Variants in USP34 observed in about 807,000 individuals in gnomAD.
The protein encoded by USP34 is ubiquitin specific peptidase 34.
USP34 carries 70 observed loss-of-function variants against 460.3 expected under a neutral mutation model. The observed-to-expected ratio is 0.15, with a 90% confidence interval of 0.13 to 0.19. USP34 has a LOEUF of 0.19. Ranked by LOEUF, USP34 falls within the 10% of genes least tolerant of loss-of-function variation. USP34 has a pLI of 1.00. For missense variants in USP34, 3,985 were observed against 4,236.2 expected, an observed-to-expected ratio of 0.94 and a Z score of 1.65; for synonymous variants, 1,647 against 1,405.3, an observed-to-expected ratio of 1.17 and a Z score of -3.85.
intron 43 of USP34, among the ~76,000 whole-genome samples, chr2:61,261,910 C>T (rs1468083387): frequency 6.6e-6 from 1 of 151,312 alleles, no homozygotes; most frequent in Non-Finnish European, 1.5e-5. Context: ...TGAGACCAGC[C>T]TGGCCAAGAT....
chr2:61,454,344 G>T (rs895215975), intron 1 of USP34, among the ~76,000 whole-genome samples: 5 of 152,146 alleles, frequency 3.3e-5, no homozygotes, highest in Admixed American at 2.6e-4. Flanking sequence ...GGCTGGTATT[G>T]AACTCCTGAC....
chr2:61,318,172 G>C (rs1412600118), intron 22 of USP34, among the ~76,000 whole-genome samples: 1 of 128,888 alleles, frequency 7.8e-6, no homozygotes, highest in African/African-American at 2.9e-5. Context: ...CAGCCTTGGA[G>C]ACAGAGCAAG....
intron 1 of USP34, among the ~76,000 whole-genome samples, chr2:61,448,117 A>G (rs993267279): frequency 6.6e-6 from 1 of 152,256 alleles, no homozygotes; most frequent in African/African-American, 2.4e-5. Context: ...TTCTTCATAC[A>G]AAGTGGCCAG....
At chr2:61,282,685 G>C (rs1342881193) in intron 37 of USP34, among the ~76,000 whole-genome samples, 1 of 152,116 alleles carries the variant, frequency 6.6e-6, no homozygotes, top group African/African-American at 2.4e-5. Flanking sequence ...AGCTACTTGG[G>C]AGGCTGAAGC....
chr2:61,392,312 T>TCAAAAA (rs967080982), intron 5 of USP34, among the ~76,000 whole-genome samples: 24 of 151,992 alleles, frequency 1.6e-4, no homozygotes, highest in African/African-American at 3.9e-4. Context: ...GAACTCTCTC[T>TCAAAAA]CAAAAACAAA....
Position 61,286,357 on chromosome 2 carries a change from T to TA in USP34, c.4750-1401dup, listed in dbSNP as rs889703209. 9.9e-5 allele frequency among the ~76,000 whole-genome samples: 15 copies of TA among 151,060 alleles called. No homozygotes were observed. In the East Asian group the frequency reaches 1.7e-3, roughly 18 times the overall value. ...ATATAATATACACCTTTTCTAAAAT[T>TA]AAAAAAAAATAACATTGGCCCAGAG... is the stretch of plus-strand genomic sequence containing the variant. On this transcript the variant is annotated intron_variant, in intron 34 of 79. Coordinates refer to ENST00000398571, the MANE Select transcript of USP34 (RefSeq NM_014709.4).
chr2:61,203,418 C>T (rs1028316134), intron 74 of USP34, among the ~76,000 whole-genome samples, 155 bp from the exon 75 acceptor site: 1 of 151,960 alleles, frequency 6.6e-6, no homozygotes, highest in Non-Finnish European at 1.5e-5. Flanking sequence ...ATGTTATGAT[C>T]TTAATTGTCG....
At chr2:61,465,301 C>T (rs1695728789) in intron 1 of USP34, among the ~76,000 whole-genome samples, 1 of 152,104 alleles carries the variant, frequency 6.6e-6, no homozygotes, top group Non-Finnish European at 1.5e-5. Flanking sequence ...GTCTGTATGC[C>T]TCTGCATGTT....
chr2:61,213,585 T>G (rs1358408760), intron 68 of USP34, among the ~76,000 whole-genome samples: 1 of 152,208 alleles, frequency 6.6e-6, no homozygotes, highest in Non-Finnish European at 1.5e-5. Flanking sequence ...TGTATCTCGA[T>G]TGATCTCTTA....
At chr2:61,455,958 C>A (rs1305578693) in intron 1 of USP34, among the ~76,000 whole-genome samples, 1 of 152,096 alleles carries the variant, frequency 6.6e-6, no homozygotes, top group Non-Finnish European at 1.5e-5. Flanking sequence ...TCAGGTCTAC[C>A]AGGTTCCAAA....
Position 61,223,174 on chromosome 2 carries a change from G to C in USP34, c.7645-10C>G. The C allele has an allele frequency of 6.2e-7, 1 of 1,613,214 alleles. No homozygotes were observed. The highest frequency in any genetic ancestry group is 8.5e-7 in the Non-Finnish European group (1 of 1,179,508). ...ACAAGAAGGGAAATCCCTGTCAAAAGCAAAAGTTGTTCATTTAAGAACCGT... is the reference window on the plus strand; with the variant it reads ...ACAAGAAGGGAAATCCCTGTCAAAACCAAAAGTTGTTCATTTAAGAACCGT... On this transcript the variant is annotated splice_polypyrimidine_tract_variant and intron_variant, in intron 63 of 79. Transcript: ENST00000398571.
In USP34 at chr2:61,331,270, A is replaced by G. The variant is rs1017096157; in HGVS notation, c.2930+6T>C. On this transcript the variant is annotated splice_donor_region_variant and intron_variant, in intron 20 of 79. Transcript: ENST00000398571. ...AATGTATTTAACCCAGTTGAGAGGT[A>G]CTTACAGTGCATGTTTTTGTCTTCC... 2 of 1,607,354 alleles carry G rather than the reference A, an allele frequency of 1.2e-6. No individual in the cohort carries two copies. Among genetic ancestry groups the G allele is most frequent in the African/African-American group, 2.7e-5 (2 of 74,884 alleles).
chr2:61,233,256 G>C (rs936941293), intron 57 of USP34, among the ~76,000 whole-genome samples: 2 of 151,828 alleles, frequency 1.3e-5, no homozygotes, highest in Non-Finnish European at 2.9e-5. Context: ...TGGATCTATC[G>C]AACAGCCATG....
In USP34 at chr2:61,187,709, G is replaced by T. The variant is rs1383375845; in HGVS notation, c.*393C>A. On this transcript the variant is annotated 3_prime_UTR_variant, in exon 80 of 80. Transcript: ENST00000398571. ...TAATTTTGATAATAAGAACCACAGC[G>T]ATCGGAGGCAATCTGCCTCTATAAG... 1 of 458,914 alleles carries T rather than the reference G, an allele frequency of 2.2e-6. No individual in the cohort carries two copies. The allele number at this position is 458,914 out of a possible 1,614,324, so 28.4% of individuals were successfully genotyped here.
In USP34 at chr2:61,350,335, C is replaced by T; in HGVS notation, c.1432G>A (p.Ala478Thr). 6.2e-7 allele frequency: 1 copy of T among 1,613,764 alleles called. No homozygotes were observed. ...CTCTGTTTAGATAACTGAGCCTTAGCTGCTAGTGCGTTATTCCACAGTGCT... is the reference window on the plus strand; with the variant it reads ...CTCTGTTTAGATAACTGAGCCTTAGTTGCTAGTGCGTTATTCCACAGTGCT... The part of the protein sequence containing the change: ...IKALWNNALA[A>T]KAQLSKQSSF... The change falls in exon 12 of 80, where the codon GCT (alanine) becomes ACT (threonine). Residue 478 changes from alanine to threonine, a missense_variant. Ala to Thr is a moderately conservative substitution (Grantham distance 58). Coordinates refer to ENST00000398571, the MANE Select transcript of USP34 (RefSeq NM_014709.4).
Position 61,284,971 on chromosome 2 carries a change from A to T in USP34, c.4750-14T>A. 6.3e-7 allele frequency: 1 copy of T among 1,592,724 alleles called. No individual in the cohort carries two copies. Among genetic ancestry groups the T allele is most frequent in the Non-Finnish European group, 8.6e-7 (1 of 1,166,962 alleles). On this transcript the variant is annotated splice_polypyrimidine_tract_variant and intron_variant, in intron 34 of 79. Transcript: ENST00000398571. Reference sequence around the variant, plus strand: ...AACAAGAAATACCTTTAAAACAAAAACATTTTAAAAGATATTTAAATACAG... The same window carrying T: ...AACAAGAAATACCTTTAAAACAAAATCATTTTAAAAGATATTTAAATACAG...
chr2:61,209,929 C>T (rs954121446), intron 69 of USP34, among the ~76,000 whole-genome samples: 6 of 150,858 alleles, frequency 4.0e-5, no homozygotes, highest in East Asian at 1.9e-4. Flanking sequence ...TAGTTTTTAA[C>T]GAAAACATTT....
At chr2:61,274,775 CACAG>C (rs968472708) in intron 41 of USP34, among the ~76,000 whole-genome samples, 5 of 152,170 alleles carry the variant, frequency 3.3e-5, no homozygotes, top group African/African-American at 1.2e-4. Context: ...GCTCAGCTTC[CACAG>C]ACAGTTAACT....
intron 10 of USP34, among the ~76,000 whole-genome samples, chr2:61,352,359 A>G (rs951214506): frequency 5.3e-5 from 8 of 151,862 alleles, no homozygotes. Context: ...TATGTAATAC[A>G]TAATAAACTT....
Sources: allele counts gnomAD v4.1 joint callset (sites outside exome capture counted in the v4.1 genomes callset), GRCh38; gene constraint gnomAD v4.1.1; transcripts MANE v1.5; gene names NCBI Gene and HGNC (gene_info 2026-07-23, HGNC 2026-07-21).